The following SGCZ variants were observed in gnomAD, a reference collection of about 807,000 sequenced individuals.
The protein encoded by SGCZ is zeta-sarcoglycan.
SGCZ carries 40 observed loss-of-function variants against 41.3 expected under a neutral mutation model. The ratio of observed to expected loss-of-function variants is 0.97; its 90% CI spans 0.75 to 1.26. SGCZ has a LOEUF of 1.26. Among genes scored for constraint, SGCZ ranks in the 50% most tolerant of loss-of-function variants. SGCZ has a pLI of 0.00. For missense variants in SGCZ, 552 were observed against 369.8 expected, an observed-to-expected ratio of 1.49 and a Z score of -4.04; for synonymous variants, 206 against 137.5, an observed-to-expected ratio of 1.50 and a Z score of -3.49.
At chr8:15,136,727 G>T (rs1808120088) in intron 1 of SGCZ, among the ~76,000 whole-genome samples, 1 of 152,098 alleles carries the variant, frequency 6.6e-6, no homozygotes, top group Non-Finnish European at 1.5e-5. Context: ...ATGATTGTAA[G>T]TTTCCTGAGG....
chr8:14,129,376 T>C (rs1187215023), intron 5 of SGCZ, among the ~76,000 whole-genome samples: 1 of 135,410 alleles, frequency 7.4e-6, no homozygotes, highest in African/African-American at 2.7e-5. Context: ...AAAAAAAATC[T>C]GCTCTTGTAC....
chr8:14,616,282 CAAA>C (rs11306350), intron 1 of SGCZ, among the ~76,000 whole-genome samples: 2 of 140,112 alleles, frequency 1.4e-5, no homozygotes, highest in Non-Finnish European at 1.5e-5. Flanking sequence ...GACTCTGTCT[CAAA>C]AAAAAAAAAG....
chr8:14,149,496 AAC>A (rs1256712434), intron 5 of SGCZ, among the ~76,000 whole-genome samples: 1 of 152,062 alleles, frequency 6.6e-6, no homozygotes, highest in African/African-American at 2.4e-5. Flanking sequence ...GAAACTATAA[AAC>A]ACTGGTGAAA....
intron 1 of SGCZ, among the ~76,000 whole-genome samples, chr8:14,663,747 C>T (rs1807825332): frequency 1.3e-5 from 2 of 152,058 alleles, no homozygotes; most frequent in Non-Finnish European, 2.9e-5. Context: ...TAATTCTTAT[C>T]CCACTTAGAA....
intron 1 of SGCZ, among the ~76,000 whole-genome samples, chr8:15,227,359 A>G (rs1476084356): frequency 6.6e-6 from 1 of 152,224 alleles, no homozygotes; most frequent in Non-Finnish European, 1.5e-5. Context: ...ATGCATATAC[A>G]TAGAAAATAT....
At chr8:14,854,254 G>A (rs1019670440) in intron 1 of SGCZ, among the ~76,000 whole-genome samples, 3 of 151,314 alleles carry the variant, frequency 2.0e-5, no homozygotes, top group African/African-American at 7.3e-5. Flanking sequence ...CACAGAGTTG[G>A]TGTTAACAAC....
chr8:14,694,030 A>G (rs1438002254), intron 1 of SGCZ, among the ~76,000 whole-genome samples: 1 of 152,230 alleles, frequency 6.6e-6, no homozygotes, highest in African/African-American at 2.4e-5. Context: ...GGCTGATAGC[A>G]GTTGTAAGTT....
chr8:14,560,159 T>C (rs984757544), intron 1 of SGCZ, among the ~76,000 whole-genome samples: 3 of 152,080 alleles, frequency 2.0e-5, no homozygotes, highest in Non-Finnish European at 2.9e-5. Flanking sequence ...AGGGAAATTA[T>C]AGTTAACAAT....
At chr8:14,838,259 T>A (rs144183672) in intron 1 of SGCZ, among the ~76,000 whole-genome samples, 1 of 152,070 alleles carries the variant, frequency 6.6e-6, no homozygotes, top group South Asian at 2.1e-4. Context: ...AGTAGCACAA[T>A]AGGATGACTA....
intron 5 of SGCZ, among the ~76,000 whole-genome samples, chr8:14,109,399 A>ATCTT (rs1185449852): frequency 3.3e-5 from 5 of 152,180 alleles, no homozygotes; most frequent in African/African-American, 7.2e-5. Context: ...CATTGAGAAA[A>ATCTT]TCTTTTCTGT....
chr8:14,864,218 G>T (rs573918475), intron 1 of SGCZ, among the ~76,000 whole-genome samples: 2 of 152,010 alleles, frequency 1.3e-5, no homozygotes, highest in Non-Finnish European at 2.9e-5. Flanking sequence ...CCACTTTCAT[G>T]ACACTTCCCA....
intron 2 of SGCZ, among the ~76,000 whole-genome samples, chr8:14,402,139 G>T (rs964885417): frequency 1.1e-4 from 17 of 152,052 alleles, no homozygotes; most frequent in Non-Finnish European, 2.5e-4. Context: ...GGGGTTGTTT[G>T]TTTTCTTCTT....
At chr8:14,857,254 C>T (rs1803573326) in intron 1 of SGCZ, among the ~76,000 whole-genome samples, 1 of 152,214 alleles carries the variant, frequency 6.6e-6, no homozygotes, top group Admixed American at 6.5e-5. Context: ...ATGCTTCCTG[C>T]ACAGCCTGCA....
rs1486744393 is a variant in SGCZ, at chr8:14,085,627, G to A, written c.*4816C>T. Among the ~76,000 whole-genome samples, 4 of 151,920 alleles carry A rather than the reference G, an allele frequency of 2.6e-5. No homozygotes were observed. In the East Asian group the frequency reaches 7.8e-4, roughly 30 times the overall value. ...TTCTCCAAATAGTGTTCAGCAAGCAGTGAAAGTTGAAACTCAGCTGAGGAG... is the reference window on the plus strand; with the variant it reads ...TTCTCCAAATAGTGTTCAGCAAGCAATGAAAGTTGAAACTCAGCTGAGGAG... On this transcript the variant is annotated 3_prime_UTR_variant, in exon 8 of 8. Transcript: ENST00000382080.
intron 4 of SGCZ, among the ~76,000 whole-genome samples, chr8:14,179,344 A>C (rs1484109807): frequency 6.6e-6 from 1 of 152,182 alleles, no homozygotes; most frequent in Non-Finnish European, 1.5e-5. Context: ...AAGCATCCAC[A>C]CTGTGAATGA....
chr8:15,080,303 T>C (rs1418826420), intron 1 of SGCZ, among the ~76,000 whole-genome samples: 1 of 152,022 alleles, frequency 6.6e-6, no homozygotes, highest in Non-Finnish European at 1.5e-5. Context: ...TTTGCATCCA[T>C]CCTGCCTCAC....
intron 1 of SGCZ, among the ~76,000 whole-genome samples, chr8:15,011,261 T>C (rs1368315762): frequency 2.6e-5 from 4 of 152,204 alleles, no homozygotes; most frequent in Non-Finnish European, 5.9e-5. Flanking sequence ...CTGTAGTTCC[T>C]ACAGAATGTT....
At chr8:14,219,631 C>T (rs540059362) in intron 4 of SGCZ, among the ~76,000 whole-genome samples, 1 of 152,128 alleles carries the variant, frequency 6.6e-6, no homozygotes, top group Admixed American at 6.5e-5. Context: ...CCTATAGTCC[C>T]AACTTTTCGG....
Position 14,506,021 on chromosome 8 carries a change from T to G in SGCZ, c.234+48711A>C, listed in dbSNP as rs74709066. On this transcript the variant is annotated intron_variant, in intron 2 of 7. Transcript: ENST00000382080. ...TACTTTCTCATTCTTCTTTTTTTTTTCATTCAATGAAAAGCAATCTAAAAC... is the reference window on the plus strand; with the variant it reads ...TACTTTCTCATTCTTCTTTTTTTTTGCATTCAATGAAAAGCAATCTAAAAC... Among the ~76,000 whole-genome samples the G allele has an allele frequency of 1.3e-5, 2 of 152,152 alleles. 1 individual carries two copies. Among genetic ancestry groups the G allele is most frequent in the South Asian group, 4.2e-4 (2 of 4,816 alleles).
Sources: allele counts gnomAD v4.1 joint callset (sites outside exome capture counted in the v4.1 genomes callset), GRCh38; gene constraint gnomAD v4.1.1; transcripts MANE v1.5; gene names NCBI Gene and HGNC (gene_info 2026-07-23, HGNC 2026-07-21).